PDIA5: variants seen among roughly 807,000 people sequenced by gnomAD.
The protein encoded by PDIA5 is protein disulfide-isomerase A5.
Under a neutral mutation model 77.6 loss-of-function variants are expected in PDIA5, and 58 were observed. The observed-to-expected ratio is 0.75, with a 90% CI of 0.61 to 0.93. PDIA5 has a LOEUF of 0.93. Among genes scored for constraint, PDIA5 ranks in the 40% least tolerant of loss-of-function variants. The probability of loss-of-function intolerance (pLI) is 0.00; values close to 1 mark genes in which losing one functional copy is unlikely to be tolerated. For missense variants in PDIA5, 630 were observed against 647.7 expected, an observed-to-expected ratio of 0.97 and a Z score of 0.30; for synonymous variants, 250 against 252.1, an observed-to-expected ratio of 0.99 and a Z score of 0.08.
At chr3:123,120,768 T>C (rs1935095471) in intron 8 of PDIA5, among the ~76,000 whole-genome samples, 1 of 152,098 alleles carries the variant, frequency 6.6e-6, no homozygotes, top group Admixed American at 6.5e-5. Context: ...TTGCATTAAG[T>C]CCTTTCCCCA....
At chr3:123,147,221 C>T (rs946872776) in intron 13 of PDIA5, among the ~76,000 whole-genome samples, 8 of 152,106 alleles carry the variant, frequency 5.3e-5, no homozygotes, top group Non-Finnish European at 7.3e-5. Context: ...TTCCCATGGC[C>T]ACCCCTCTAT....
chr3:123,131,096 A>T (rs995189921), intron 11 of PDIA5, among the ~76,000 whole-genome samples: 2 of 152,090 alleles, frequency 1.3e-5, no homozygotes, highest in Non-Finnish European at 2.9e-5. Flanking sequence ...ACATAGCAAG[A>T]CCCCATCTCT....
chr3:123,100,712 T>C (rs1371817685), intron 3 of PDIA5, among the ~76,000 whole-genome samples: 1 of 152,216 alleles, frequency 6.6e-6, no homozygotes, highest in African/African-American at 2.4e-5. Flanking sequence ...AGTTGCAAAT[T>C]GCATCTTTAC....
At chr3:123,156,161 T>C (rs1003038331) in intron 15 of PDIA5, among the ~76,000 whole-genome samples, 2 of 152,004 alleles carry the variant, frequency 1.3e-5, no homozygotes. Flanking sequence ...GTGGCAGAGA[T>C]GGGGTAATGA....
chr3:123,076,363 T>TA (rs1340768626), intron 1 of PDIA5, among the ~76,000 whole-genome samples: 1 of 152,188 alleles, frequency 6.6e-6, no homozygotes, highest in African/African-American at 2.4e-5. Context: ...ACTCATTGTT[T>TA]ATGACAATTT....
chr3:123,132,281 C>A (rs1935387344), intron 11 of PDIA5, among the ~76,000 whole-genome samples: 1 of 152,146 alleles, frequency 6.6e-6, no homozygotes, highest in Non-Finnish European at 1.5e-5. Flanking sequence ...CCTCCCCTTC[C>A]CCCACAGTAT....
intron 7 of PDIA5, among the ~76,000 whole-genome samples, 168 bp from the exon 8 acceptor site, chr3:123,116,063 C>G (rs571281583): frequency 6.6e-6 from 1 of 152,216 alleles, no homozygotes; most frequent in African/African-American, 2.4e-5. Flanking sequence ...GGGGCTGAGA[C>G]GCCCACCTCC....
At chr3:123,103,466 G>A (rs186244951) in intron 5 of PDIA5, among the ~76,000 whole-genome samples, 77 of 152,268 alleles carry the variant, frequency 5.1e-4, no homozygotes, top group African/African-American at 1.8e-3. Flanking sequence ...TGGTCCTGAC[G>A]TGTTTGAACT....
intron 6 of PDIA5, among the ~76,000 whole-genome samples, chr3:123,110,299 A>G (rs1243292662): frequency 6.6e-6 from 1 of 152,160 alleles, no homozygotes; most frequent in African/African-American, 2.4e-5. Context: ...GGTTTTACAA[A>G]TCTATTTTGC....
intron 11 of PDIA5, among the ~76,000 whole-genome samples, chr3:123,140,505 C>A (rs914453554): frequency 6.6e-6 from 1 of 152,254 alleles, no homozygotes; most frequent in African/African-American, 2.4e-5. Context: ...AGAGACAGAT[C>A]ATTCGATGGG....
intron 11 of PDIA5, among the ~76,000 whole-genome samples, chr3:123,140,668 C>T (rs1206084252): frequency 6.6e-6 from 1 of 152,112 alleles, no homozygotes; most frequent in Non-Finnish European, 1.5e-5. Context: ...GTCACTTCGT[C>T]TTCCAGAGCT....
At chr3:123,083,581 A>C (rs1934065516) in intron 1 of PDIA5, among the ~76,000 whole-genome samples, 1 of 152,202 alleles carries the variant, frequency 6.6e-6, no homozygotes, top group African/African-American at 2.4e-5. Flanking sequence ...GAATGTAAAG[A>C]GCCTGCCAAG....
rs763335058 is a variant in PDIA5, at chr3:123,124,132, G to A, written c.676G>A (p.Gly226Ser). The change falls in exon 9 of 17, where the codon GGC becomes AGC. Residue 226 changes from glycine (G) to serine (S), a missense_variant. Transcript: ENST00000316218. Reference sequence around the variant, plus strand: ...CATCAAGGAGGAGTACAGCGTGCGCGGCTTCCCCACCATCTGCTATTTTGA... The same window carrying A: ...CATCAAGGAGGAGTACAGCGTGCGCAGCTTCCCCACCATCTGCTATTTTGA... ...ENIKEEYSVR[G>S]FPTICYFEKG... 3.5e-5 allele frequency: 57 copies of A among 1,613,884 alleles called. 1 individual carries two copies. Among genetic ancestry groups the A allele is most frequent in the South Asian group, 2.7e-4 (25 of 91,080 alleles).
chr3:123,084,903 G>A (rs2107914942), intron 1 of PDIA5, among the ~76,000 whole-genome samples: 1 of 152,216 alleles, frequency 6.6e-6, no homozygotes, highest in East Asian at 1.9e-4. Flanking sequence ...GGCCAGATGA[G>A]TCTCTACAAT....
At position 123,124,166 on chromosome 3, in the gene PDIA5, C is replaced by G; in HGVS notation, c.701+9C>G. ...ACCATCTGCTATTTTGAGTACGTCC[C>G]CCACTTTCCTTCTAAAGCTCACCTC... is the stretch of plus-strand genomic sequence containing the variant. On this transcript the variant is annotated intron_variant, in intron 9 of 16. Coordinates refer to ENST00000316218, the MANE Select transcript of PDIA5 (RefSeq NM_006810.4). 1 of 1,610,240 alleles carries G rather than the reference C, an allele frequency of 6.2e-7. No individual in the cohort carries two copies. Among genetic ancestry groups the G allele is most frequent in the South Asian group, 1.1e-5 (1 of 91,000 alleles).
chr3:123,114,591 C>T (rs773763943), intron 7 of PDIA5, among the ~76,000 whole-genome samples: 11 of 152,226 alleles, frequency 7.2e-5, no homozygotes, highest in Non-Finnish European at 1.5e-4. Context: ...CCTTCCTCTG[C>T]GCCATCTGCA....
chr3:123,161,938 G>C lies in PDIA5; in HGVS notation c.1538G>C (p.Gly513Ala), dbSNP rs1173389869. Residue 513 changes from glycine (G) to alanine (A), a missense_variant, in exon 17 of 17, where the codon GGG (glycine) becomes GCG (alanine). Transcript: ENST00000316218. ...CGGGAGGGAGACCATGAAAGACTAGGGAAAAAGAAGGAAGAGTTATAATTC... is the reference window on the plus strand; with the variant it reads ...CGGGAGGGAGACCATGAAAGACTAGCGAAAAAGAAGGAAGAGTTATAATTC... ...ALREGDHERL[G>A]KKKEEL 3.8e-5 allele frequency: 60 copies of C among 1,596,878 alleles called. No individual in the cohort carries two copies. Among genetic ancestry groups the C allele is most frequent in the Non-Finnish European group, 4.8e-5 (56 of 1,165,054 alleles).
At chr3:123,124,022 T>C in intron 8 of PDIA5, 44 bp from the exon 9 acceptor site, 1 of 1,268,682 alleles carries the variant, frequency 7.9e-7, no homozygotes, top group Non-Finnish European at 1.2e-6. Context: ...AGAGGGTGTC[T>C]GTGGGGCACA....
chr3:123,109,839 T>A (rs1255351532), intron 6 of PDIA5, among the ~76,000 whole-genome samples: 1 of 152,210 alleles, frequency 6.6e-6, no homozygotes, highest in Non-Finnish European at 1.5e-5. Context: ...GTAACTTGCT[T>A]CCCCCACCCT....
Sources: allele counts gnomAD v4.1 joint callset (sites outside exome capture counted in the v4.1 genomes callset), GRCh38; gene constraint gnomAD v4.1.1; transcripts MANE v1.5; gene names NCBI Gene and HGNC (gene_info 2026-07-23, HGNC 2026-07-21).